SPAG16: variants seen among roughly 807,000 people sequenced by gnomAD.
SPAG16 encodes sperm associated antigen 16.
A neutral mutation model predicts 80.4 loss-of-function variants in SPAG16; 86 were observed. The observed-to-expected ratio is 1.07, with a 90% CI of 0.90 to 1.28. The LOEUF is 1.28. SPAG16 is among the 50% of genes most tolerant of loss of function. The probability of loss-of-function intolerance (pLI) is 0.00; values close to 1 mark genes in which losing one functional copy is unlikely to be tolerated. For missense variants in SPAG16, 870 were observed against 765.3 expected, an observed-to-expected ratio of 1.14 and a Z score of -1.61; for synonymous variants, 294 against 265.9, an observed-to-expected ratio of 1.11 and a Z score of -1.03.
intron 15 of SPAG16, among the ~76,000 whole-genome samples, chr2:214,249,314 C>G (rs976382063): frequency 6.6e-6 from 1 of 151,990 alleles, no homozygotes; most frequent in Non-Finnish European, 1.5e-5. Context: ...CATAAAAATG[C>G]ATTTTCAAAT....
chr2:214,084,159 G>A (rs1451509647), intron 13 of SPAG16, among the ~76,000 whole-genome samples: 1 of 151,750 alleles, frequency 6.6e-6, no homozygotes, highest in African/African-American at 2.4e-5. Flanking sequence ...TTTTCCCTCA[G>A]TACCTCTTCA....
chr2:214,399,490 C>G (rs1345151179), intron 15 of SPAG16, among the ~76,000 whole-genome samples: 1 of 151,958 alleles, frequency 6.6e-6, no homozygotes, highest in Non-Finnish European at 1.5e-5. Context: ...CAGTGGCTTT[C>G]CCCACAGACA....
Position 213,428,674 on chromosome 2 carries a change from C to T in SPAG16, c.942+53555C>T, listed in dbSNP as rs553169755. Among the ~76,000 whole-genome samples the T allele has an allele frequency of 8.1e-4, 124 of 152,252 alleles. 2 individuals are homozygous for T. The South Asian group carries it at 0.022, about 27-fold the overall frequency. On this transcript the variant is annotated intron_variant, in intron 9 of 15. Transcript: ENST00000331683. The stretch of plus-strand genomic sequence containing the variant: ...TTGCCAGAGAGGCATGGTTTTGTCC[C>T]GGTTTCAAGTTATACAGCTCAGTGT...
chr2:213,829,138 C>G (rs188993318), intron 10 of SPAG16, among the ~76,000 whole-genome samples: 22 of 152,284 alleles, frequency 1.4e-4, no homozygotes, highest in Admixed American at 1.2e-3. Context: ...CTCCTGGGCT[C>G]TAACTGGGTC....
intron 11 of SPAG16, among the ~76,000 whole-genome samples, chr2:213,928,899 G>C (rs2078618068): frequency 1.1e-5 from 1 of 87,760 alleles, no homozygotes; most frequent in Admixed American, 1.5e-4. Flanking sequence ...TCTTGCAGCT[G>C]ATGTTACACA....
chr2:213,643,579 T>G (rs866725075), intron 10 of SPAG16, among the ~76,000 whole-genome samples: 28 of 149,440 alleles, frequency 1.9e-4, no homozygotes, highest in Admixed American at 6.7e-4. Context: ...TCCGTTATTA[T>G]CCCATTGAAT....
At chr2:213,867,817 G>A (rs1267413984) in intron 11 of SPAG16, among the ~76,000 whole-genome samples, 5 of 150,336 alleles carry the variant, frequency 3.3e-5, no homozygotes, top group Non-Finnish European at 7.4e-5. Flanking sequence ...CCAGCTACTC[G>A]GGAGGCTGAG....
At chr2:213,363,092 A>T (rs573972171) in intron 7 of SPAG16, among the ~76,000 whole-genome samples, 5 of 152,300 alleles carry the variant, frequency 3.3e-5, no homozygotes, top group African/African-American at 1.2e-4. Flanking sequence ...AAATTAATAA[A>T]ACTAAAAATA....
At chr2:214,123,748 A>G (rs1233250142) in intron 14 of SPAG16, among the ~76,000 whole-genome samples, 1 of 152,034 alleles carries the variant, frequency 6.6e-6, no homozygotes, top group African/African-American at 2.4e-5. Flanking sequence ...GAGAGAATAA[A>G]GAAATCCTAA....
chr2:213,881,059 C>A (rs938114022), intron 11 of SPAG16, among the ~76,000 whole-genome samples: 2 of 152,050 alleles, frequency 1.3e-5, no homozygotes, highest in Non-Finnish European at 2.9e-5. Flanking sequence ...TTGCTTTGGG[C>A]AGTATGGTCA....
chr2:213,674,989 A>C (rs1260354064), intron 10 of SPAG16, among the ~76,000 whole-genome samples: 1 of 149,828 alleles, frequency 6.7e-6, no homozygotes, highest in South Asian at 2.1e-4. Context: ...GAACTAGTTT[A>C]CAGTCCCACC....
chr2:213,351,533 A>G (rs937643387), intron 7 of SPAG16, among the ~76,000 whole-genome samples: 1 of 152,198 alleles, frequency 6.6e-6, no homozygotes, highest in African/African-American at 2.4e-5. Context: ...AAAATTTAAG[A>G]AAAAGAAACA....
At chr2:214,280,721 T>C (rs974671108) in intron 15 of SPAG16, 2 of 371,426 alleles carry the variant, frequency 5.4e-6, no homozygotes, top group East Asian at 1.4e-4. Context: ...AGGGACATTT[T>C]GGGATGGTTC....
chr2:214,286,846 A>G (rs1397922306), intron 15 of SPAG16, among the ~76,000 whole-genome samples: 1 of 152,176 alleles, frequency 6.6e-6, no homozygotes, highest in Non-Finnish European at 1.5e-5. Flanking sequence ...TTGACCTATG[A>G]AATTATTAAT....
chr2:213,409,739 A>T (rs890067190), intron 9 of SPAG16, among the ~76,000 whole-genome samples: 1 of 152,206 alleles, frequency 6.6e-6, no homozygotes, highest in African/African-American at 2.4e-5. Context: ...AGCATTATCA[A>T]ATATAAAATG....
rs374274176 is a variant in SPAG16 at position 213,980,725 on chromosome 2, T to TATATATATAGAGAGAGAGAG, written c.1401-33225_1401-33224insTATATATAGAGAGAGAGAGA. Among the ~76,000 whole-genome samples, 314 of 103,946 alleles carry TATATATATAGAGAGAGAGAG rather than the reference T, an allele frequency of 3.0e-3. 4 individuals are homozygous for TATATATATAGAGAGAGAGAG. Among genetic ancestry groups the TATATATATAGAGAGAGAGAG allele is most frequent in the African/African-American group, 6.8e-3 (136 of 20,062 alleles). The allele number at this position is 103,946 out of a possible 152,430, so 68.2% of individuals were successfully genotyped here. On this transcript the variant is annotated intron_variant, in intron 12 of 15. Transcript: ENST00000331683. ...GTGTGTGTGTGTGTATATATATATATAGAGAGAGAGAGAGAGAGAGAGAGA... is the reference window on the plus strand; with the variant it reads ...GTGTGTGTGTGTGTATATATATATATATATATATAGAGAGAGAGAGAGAGAGAGAGAGAGAGAGAGAGAGA...
chr2:213,673,633 G>A (rs1432686080), intron 10 of SPAG16, among the ~76,000 whole-genome samples: 2 of 152,168 alleles, frequency 1.3e-5, no homozygotes, highest in East Asian at 3.8e-4. Flanking sequence ...ATACAAATAT[G>A]TACACACATT....
At chr2:213,774,492 G>T (rs78759518) in intron 10 of SPAG16, among the ~76,000 whole-genome samples, 22 of 152,154 alleles carry the variant, frequency 1.4e-4, no homozygotes, top group African/African-American at 4.1e-4. Flanking sequence ...TGATTTAGGG[G>T]TCTACCCTAT....
intron 13 of SPAG16, among the ~76,000 whole-genome samples, chr2:214,097,297 A>G (rs573081673): frequency 6.6e-6 from 1 of 152,094 alleles, no homozygotes; most frequent in African/African-American, 2.4e-5. Flanking sequence ...AATAGGGGGC[A>G]TAATGACACA....
Sources: gnomAD v4.1 joint callset for allele counts (sites outside exome capture counted in the v4.1 genomes callset) on GRCh38, gnomAD v4.1.1 for gene constraint, MANE v1.5 for transcripts, NCBI Gene and HGNC (gene_info 2026-07-23, HGNC 2026-07-21) for gene names.